Variants in KCNIP4 observed in about 807,000 individuals in gnomAD.
KCNIP4 encodes the protein Kv channel-interacting protein 4.
In KCNIP4, 12 loss-of-function variants were observed where a neutral mutation model predicts 34.0. The ratio of observed to expected loss-of-function variants is 0.35; its 90% confidence interval spans 0.23 to 0.57. The LOEUF is 0.57. Among genes scored for constraint, KCNIP4 ranks in the 20% least tolerant of loss-of-function variants. The probability of loss-of-function intolerance (pLI) is 0.83; values close to 1 mark genes in which losing one functional copy is unlikely to be tolerated. For missense variants in KCNIP4, 238 were observed against 311.7 expected (o/e 0.76, Z 1.78); for synonymous variants, 124 against 102.2 (o/e 1.21, Z -1.29).
chr4:21,221,221 T>G (rs1757960175), intron 1 of KCNIP4, among the ~76,000 whole-genome samples: 1 of 152,310 alleles, frequency 6.6e-6, no homozygotes, highest in Non-Finnish European at 1.5e-5. Flanking sequence ...GGGTTATTTT[T>G]TACTCAAACT....
At chr4:20,868,942 C>A (rs1419427956) in intron 2 of KCNIP4, among the ~76,000 whole-genome samples, 1 of 152,036 alleles carries the variant, frequency 6.6e-6, no homozygotes, top group Admixed American at 6.6e-5. Flanking sequence ...TGTAACAAAT[C>A]TGAACATGTA....
intron 1 of KCNIP4, among the ~76,000 whole-genome samples, chr4:20,965,143 T>C (rs192012896): frequency 6.6e-6 from 1 of 152,208 alleles, no homozygotes; most frequent in East Asian, 1.9e-4. Context: ...TCCTCATCCA[T>C]ATTTAGAAGA....
intron 1 of KCNIP4, among the ~76,000 whole-genome samples, chr4:21,770,588 C>A (rs1347530371): frequency 6.6e-6 from 1 of 152,146 alleles, no homozygotes; most frequent in Non-Finnish European, 1.5e-5. Context: ...TAAAAGTGTT[C>A]CTGTTTCACC....
chr4:20,932,475 C>G (rs1730581135), intron 1 of KCNIP4, among the ~76,000 whole-genome samples: 1 of 128,786 alleles, frequency 7.8e-6, no homozygotes, highest in Non-Finnish European at 1.6e-5. Context: ...CTATAATAGT[C>G]TATAATAGTC....
chr4:21,121,415 T>C (rs1750145466), intron 1 of KCNIP4, among the ~76,000 whole-genome samples: 1 of 152,234 alleles, frequency 6.6e-6, no homozygotes, highest in East Asian at 1.9e-4. Context: ...CTGTTTTCTT[T>C]GTTTAATTAT....
intron 1 of KCNIP4, among the ~76,000 whole-genome samples, chr4:21,587,875 C>T (rs1741768713): frequency 1.3e-5 from 2 of 152,012 alleles, no homozygotes; most frequent in Admixed American, 1.3e-4. Context: ...ACATATAGCC[C>T]TGTTAAATGC....
At chr4:21,866,759 T>A (rs1298344051) in intron 1 of KCNIP4, among the ~76,000 whole-genome samples, 1 of 133,706 alleles carries the variant, frequency 7.5e-6, no homozygotes, top group Non-Finnish European at 1.6e-5. Context: ...TAGTTCAGCC[T>A]GGATTTTTTT....
At chr4:21,832,529 C>G (rs1038152106) in intron 1 of KCNIP4, among the ~76,000 whole-genome samples, 1 of 152,046 alleles carries the variant, frequency 6.6e-6, no homozygotes, top group Non-Finnish European at 1.5e-5. Flanking sequence ...GAAACCCACT[C>G]TCAATCCAAA....
At chr4:21,072,230 A>G (rs1745014691) in intron 1 of KCNIP4, among the ~76,000 whole-genome samples, 1 of 152,174 alleles carries the variant, frequency 6.6e-6, no homozygotes, top group Non-Finnish European at 1.5e-5. Context: ...TGTCTTCCAC[A>G]ATGGTTGAAC....
intron 1 of KCNIP4, among the ~76,000 whole-genome samples, chr4:21,306,815 C>A (rs1560275657): frequency 6.6e-6 from 1 of 151,412 alleles, no homozygotes; most frequent in Non-Finnish European, 1.5e-5. Flanking sequence ...CATATGTAGG[C>A]AGGAACTTTT....
chr4:21,348,573 T>C (rs980999387), intron 1 of KCNIP4, among the ~76,000 whole-genome samples: 2 of 152,202 alleles, frequency 1.3e-5, no homozygotes, highest in Non-Finnish European at 2.9e-5. Context: ...CAGCTTCAGC[T>C]AACTCATTCC....
chr4:21,230,114 T>C (rs1758685164), intron 1 of KCNIP4, among the ~76,000 whole-genome samples: 1 of 151,962 alleles, frequency 6.6e-6, no homozygotes, highest in Non-Finnish European at 1.5e-5. Context: ...GATTTGAGGA[T>C]AGAGAGACAC....
intron 1 of KCNIP4, among the ~76,000 whole-genome samples, chr4:21,033,641 A>G (rs917278968): frequency 6.6e-6 from 1 of 152,192 alleles, no homozygotes; most frequent in Non-Finnish European, 1.5e-5. Context: ...AGTATCAAAC[A>G]TATGTCAGGT....
At chr4:20,815,211 A>T (rs1716229886) in intron 3 of KCNIP4, among the ~76,000 whole-genome samples, 1 of 152,218 alleles carries the variant, frequency 6.6e-6, no homozygotes, top group Non-Finnish European at 1.5e-5. Context: ...AATCACTAGG[A>T]AAAATAAGGA....
intron 1 of KCNIP4, among the ~76,000 whole-genome samples, chr4:21,733,011 TAATAGAA>T (rs778776452): frequency 2.6e-5 from 4 of 152,166 alleles, no homozygotes; most frequent in Non-Finnish European, 4.4e-5. Flanking sequence ...ATTTAACTTT[TAATAGAA>T]AATAGAAAAC....
intron 3 of KCNIP4, among the ~76,000 whole-genome samples, chr4:20,844,005 T>G (rs1193853035): frequency 6.6e-6 from 1 of 152,196 alleles, no homozygotes; most frequent in African/African-American, 2.4e-5. Context: ...AGGAAAGAAC[T>G]GAAGGGCTCT....
chr4:20,806,003 G>T (rs1295406768), intron 3 of KCNIP4, among the ~76,000 whole-genome samples: 1 of 152,100 alleles, frequency 6.6e-6, no homozygotes, highest in Non-Finnish European at 1.5e-5. Flanking sequence ...ACTATTTCAA[G>T]AATTTGAAAT....
At chr4:21,246,884 C>T (rs535142487) in intron 1 of KCNIP4, among the ~76,000 whole-genome samples, 2 of 152,264 alleles carry the variant, frequency 1.3e-5, no homozygotes, top group South Asian at 4.1e-4. Context: ...CATAGACTCT[C>T]AACTATTATC....
intron 1 of KCNIP4, among the ~76,000 whole-genome samples, chr4:20,926,969 T>C (rs566294189): frequency 8.7e-4 from 132 of 152,272 alleles, no homozygotes; most frequent in African/African-American, 3.2e-3. Flanking sequence ...GTAATTTTCT[T>C]TCTTTCTTTC....
Sources: allele counts gnomAD v4.1 joint callset (sites outside exome capture counted in the v4.1 genomes callset), GRCh38; gene constraint gnomAD v4.1.1; transcripts MANE v1.5; gene names NCBI Gene and HGNC (gene_info 2026-07-23, HGNC 2026-07-21).